Variants in FHIT observed in about 807,000 individuals in gnomAD.
FHIT encodes bis(5'-adenosyl)-triphosphatase.
In FHIT, 19 loss-of-function variants were observed where a neutral mutation model predicts 17.9. The observed-to-expected ratio is 1.06, with a 90% CI of 0.74 to 1.56. FHIT has a LOEUF of 1.56. FHIT is among the 40% of genes most tolerant of loss of function. The pLI is 0.00. For synonymous variants in FHIT, 81 were observed against 69.7 expected (o/e 1.16, Z -0.81); for missense variants, 248 against 189.2 (o/e 1.31, Z -1.82).
intron 5 of FHIT, among the ~76,000 whole-genome samples, chr3:60,495,216 A>T (rs993176425): frequency 3.9e-5 from 6 of 152,160 alleles, no homozygotes; most frequent in African/African-American, 1.4e-4. Flanking sequence ...CATTTCTTTG[A>T]TGATGAAGGA....
At chr3:60,366,586 T>C (rs1056267705) in intron 5 of FHIT, among the ~76,000 whole-genome samples, 10 of 152,172 alleles carry the variant, frequency 6.6e-5, no homozygotes, top group African/African-American at 2.4e-4. Context: ...TTACCACTTA[T>C]CATGGGAGTA....
At chr3:60,958,124 T>C (rs565948280) in intron 3 of FHIT, among the ~76,000 whole-genome samples, 2 of 152,330 alleles carry the variant, frequency 1.3e-5, no homozygotes, top group South Asian at 4.1e-4. Flanking sequence ...TATCACATTG[T>C]TGTGGGGCTT....
At chr3:61,004,247 T>A (rs551187436) in intron 3 of FHIT, among the ~76,000 whole-genome samples, 1 of 152,276 alleles carries the variant, frequency 6.6e-6, no homozygotes, top group East Asian at 1.9e-4. Context: ...AAAAATGGCC[T>A]GAGTGTCTTT....
intron 8 of FHIT, among the ~76,000 whole-genome samples, chr3:59,800,238 A>G (rs1699940050): frequency 6.6e-6 from 1 of 152,210 alleles, no homozygotes. Context: ...AAAGCTGATT[A>G]CTGGTTCTGG....
At chr3:61,043,967 C>A (rs185014713) in intron 2 of FHIT, among the ~76,000 whole-genome samples, 36 of 152,198 alleles carry the variant, frequency 2.4e-4, no homozygotes, top group Admixed American at 2.0e-3. Flanking sequence ...CACACCAAAA[C>A]CCCATCTGGA....
intron 4 of FHIT, among the ~76,000 whole-genome samples, chr3:60,767,275 C>G (rs1699889754): frequency 6.6e-6 from 1 of 152,202 alleles, no homozygotes; most frequent in Non-Finnish European, 1.5e-5. Flanking sequence ...TTGCTCACTA[C>G]AGTTTATAAG....
chr3:61,130,178 AG>A (rs2036723422), intron 2 of FHIT, among the ~76,000 whole-genome samples: 1 of 151,052 alleles, frequency 6.6e-6, no homozygotes, highest in Admixed American at 6.6e-5. Context: ...GTCATAAAAA[AG>A]GTCTGAATAA....
intron 5 of FHIT, among the ~76,000 whole-genome samples, chr3:60,401,579 G>C (rs1422109513): frequency 6.6e-6 from 1 of 152,120 alleles, no homozygotes; most frequent in Non-Finnish European, 1.5e-5. Context: ...TCTAGGTTTA[G>C]AGGTGATGCC....
At chr3:60,617,063 C>G (rs2038973273) in intron 4 of FHIT, 1 of 215,170 alleles carries the variant, frequency 4.6e-6, no homozygotes, top group South Asian at 8.3e-5. Flanking sequence ...GGCAAAGAAA[C>G]GACAGCCTGG....
intron 5 of FHIT, among the ~76,000 whole-genome samples, chr3:60,168,600 C>G (rs1701282539): frequency 6.6e-6 from 1 of 152,154 alleles, no homozygotes; most frequent in Admixed American, 6.5e-5. Flanking sequence ...CCCAGTAATT[C>G]ATATGGGTTG....
At chr3:60,620,736 C>A (rs1327219917) in intron 4 of FHIT, among the ~76,000 whole-genome samples, 2 of 152,022 alleles carry the variant, frequency 1.3e-5, no homozygotes, top group Non-Finnish European at 2.9e-5. Context: ...GGTTGCATGT[C>A]ATTCAACAGC....
chr3:60,304,248 T>A (rs1204574599), intron 5 of FHIT, among the ~76,000 whole-genome samples: 1 of 152,004 alleles, frequency 6.6e-6, no homozygotes, highest in African/African-American at 2.4e-5. Flanking sequence ...AGTCAAGGGG[T>A]CACTTGGGTT....
intron 4 of FHIT, among the ~76,000 whole-genome samples, chr3:60,577,201 A>T (rs12496064): frequency 0.061 from 9,246 of 152,110 alleles, 383 homozygotes; most frequent in East Asian, 0.15. Context: ...GGCCCTCCCA[A>T]ATTAACACTG....
chr3:61,046,963 C>G (rs951218811), intron 2 of FHIT, among the ~76,000 whole-genome samples: 1 of 152,118 alleles, frequency 6.6e-6, no homozygotes, highest in Non-Finnish European at 1.5e-5. Flanking sequence ...TAAAAACTCT[C>G]AATAAACTAG....
chr3:60,061,336 G>C (rs532025959), intron 5 of FHIT, among the ~76,000 whole-genome samples: 2 of 152,114 alleles, frequency 1.3e-5, no homozygotes, highest in African/African-American at 4.8e-5. Flanking sequence ...CACAACATAC[G>C]ACCTCTTTAA....
intron 1 of FHIT, among the ~76,000 whole-genome samples, chr3:61,230,179 C>CA (rs2040064083): frequency 1.3e-5 from 2 of 152,164 alleles, no homozygotes. Context: ...TTTGTCCCCC[C>CA]AAATCTCATG....
chr3:60,939,944 G>C (rs147506567), intron 3 of FHIT, among the ~76,000 whole-genome samples: 9 of 152,144 alleles, frequency 5.9e-5, no homozygotes, highest in Admixed American at 5.2e-4. Flanking sequence ...CAGAAACGTA[G>C]CTAAGAAAAA....
intron 5 of FHIT, among the ~76,000 whole-genome samples, chr3:60,222,644 C>A (rs9838914): frequency 0.037 from 5,622 of 152,144 alleles, 327 homozygotes; most frequent in African/African-American, 0.12. Flanking sequence ...CAAAAATTAG[C>A]TGGGTTAAAA....
At chr3:60,262,818 T>C (rs953975008) in intron 5 of FHIT, among the ~76,000 whole-genome samples, 1 of 151,612 alleles carries the variant, frequency 6.6e-6, no homozygotes, top group South Asian at 2.1e-4. Flanking sequence ...TTAGGTACTT[T>C]ATATGACTTA....
Sources: allele counts gnomAD v4.1 joint callset (sites outside exome capture counted in the v4.1 genomes callset), GRCh38; gene constraint gnomAD v4.1.1; transcripts MANE v1.5; gene names NCBI Gene and HGNC (gene_info 2026-07-23, HGNC 2026-07-21).